Variants in NEXMIF observed in about 807,000 individuals in gnomAD.
NEXMIF encodes XLMR protein related to neurite extension.
A neutral mutation model predicts 62.1 loss-of-function variants in NEXMIF; 8 were observed. That is an observed-to-expected ratio of 0.13 (90% CI 0.08 to 0.23). The LOEUF is 0.23. Ranked by LOEUF, NEXMIF falls within the 10% of genes least tolerant of loss-of-function variation. The probability of loss-of-function intolerance (pLI) is 1.00; values close to 1 mark genes in which losing one functional copy is unlikely to be tolerated. For synonymous variants in NEXMIF, 404 were observed against 416.6 expected (o/e 0.97, Z 0.37); for missense variants, 976 against 1,113.3 (o/e 0.88, Z 1.75).
chrX:74,882,189 A>G (rs2080667338), intron 1 of NEXMIF, among the ~76,000 whole-genome samples: 2 of 112,263 alleles, frequency 1.8e-5, no homozygotes, highest in Non-Finnish European at 3.8e-5. Flanking sequence ...GCCGAATAGG[A>G]ACAGCTCCGG....
At position 74,791,763 on chromosome X, in the gene NEXMIF, A is replaced by G. The variant is rs1448519699; in HGVS notation, c.-47-46066T>C. On this transcript the variant is annotated intron_variant, in intron 1 of 3. Coordinates refer to ENST00000055682, the MANE Select transcript of NEXMIF (RefSeq NM_001008537.3). Reference sequence around the variant, plus strand: ...CTTCTAGATTTTCTAGTTTATTTGCATAGAGGTGTTTTTAGTATTCTCTGA... The same window carrying G: ...CTTCTAGATTTTCTAGTTTATTTGCGTAGAGGTGTTTTTAGTATTCTCTGA... Among the ~76,000 whole-genome samples, 297 of 109,403 alleles carry G rather than the reference A, an allele frequency of 2.7e-3. 2 individuals are homozygous for G. The highest frequency in any genetic ancestry group is 8.9e-3 in the African/African-American group (270 of 30,253).
chrX:74,827,644 C>G (rs1285987276), intron 1 of NEXMIF, among the ~76,000 whole-genome samples: 2 of 111,957 alleles, frequency 1.8e-5, no homozygotes, highest in African/African-American at 6.5e-5. Flanking sequence ...TAACAACAAG[C>G]CTGATGGGTG....
chrX:74,886,377 C>T (rs1435192280), intron 1 of NEXMIF, among the ~76,000 whole-genome samples: 1 of 111,649 alleles, frequency 9.0e-6, no homozygotes, highest in Non-Finnish European at 1.9e-5. Context: ...TTGCAGATGA[C>T]ATGATTGCAT....
rs780248387 is a variant in NEXMIF at position 74,735,856 on chromosome X, A to G, written c.*3549T>C. 6.3e-5 allele frequency: 7 copies of G among 111,936 alleles called. No individual in the cohort carries two copies. Among genetic ancestry groups the G allele is most frequent in the Admixed American group, 1.9e-4 (2 of 10,467 alleles). 9.2% of individuals were successfully genotyped at this position (111,936 alleles called of 1,213,427 possible). The stretch of plus-strand genomic sequence containing the variant: ...AGGCAGAAAGGATGGTCACTGGTTC[A>G]AGCCAGTTATCACAGCCCAAACATG... On this transcript the variant is annotated 3_prime_UTR_variant, in exon 4 of 4. Coordinates refer to ENST00000055682, the MANE Select transcript of NEXMIF (RefSeq NM_001008537.3).
intron 1 of NEXMIF, among the ~76,000 whole-genome samples, chrX:74,912,541 T>C (rs1361885800): frequency 2.2e-4 from 24 of 111,460 alleles, no homozygotes; most frequent in Admixed American, 1.9e-3. Flanking sequence ...ACTGGATCCA[T>C]ATTAACCAGA....
At chrX:74,822,500 G>T (rs1467051703) in intron 1 of NEXMIF, among the ~76,000 whole-genome samples, 1 of 111,711 alleles carries the variant, frequency 9.0e-6, no homozygotes, top group Admixed American at 9.5e-5. Flanking sequence ...ATCTGATAAG[G>T]AACATGTATC....
At chrX:74,881,831 C>T (rs2080665661) in intron 1 of NEXMIF, among the ~76,000 whole-genome samples, 1 of 111,913 alleles carries the variant, frequency 8.9e-6, no homozygotes, top group East Asian at 2.8e-4. Flanking sequence ...GCTTCTAGTA[C>T]ACAGTCAAGG....
chrX:74,742,849 A>G lies in NEXMIF; in HGVS notation c.1708T>C (p.Leu570=), dbSNP rs772778753. The change falls in exon 3 of 4, where the codon TTG becomes CTG. Residue 570 remains leucine, a synonymous_variant. Coordinates refer to ENST00000055682, the MANE Select transcript of NEXMIF (RefSeq NM_001008537.3). ...KVDASETTVN[L]SENQLNKYAK... is the part of the protein sequence containing the mutation. ...TATTTGTTGAGCTGATTCTCACTCA[A>G]ATTCACTGTTGTCTCACTGGCATCC... 8.3e-7 allele frequency: 1 copy of G among 1,211,393 alleles called. No individual in the cohort carries two copies. The highest frequency in any genetic ancestry group is 3.0e-5 in the East Asian group (1 of 33,831).
In NEXMIF at chrX:74,742,036, T is replaced by C. The variant is rs2147440160; in HGVS notation, c.2521A>G (p.Asn841Asp). 3 of 1,211,801 alleles carry C rather than the reference T, an allele frequency of 2.5e-6. No homozygotes were observed. Among genetic ancestry groups the C allele is most frequent in the Non-Finnish European group, 2.2e-6 (2 of 895,498 alleles). The change falls in exon 3 of 4, where the codon AAT (asparagine) becomes GAT (aspartate). Residue 841 changes from asparagine to aspartate, a missense_variant. Asn to Asp is a conservative substitution (Grantham distance 23). Transcript: ENST00000055682. ...TCGGTTTGAGTGAGGCTGCCTTCATTTTGCTCTGGAGAATGGTGGCTGAAG... is the reference window on the plus strand; with the variant it reads ...TCGGTTTGAGTGAGGCTGCCTTCATCTTGCTCTGGAGAATGGTGGCTGAAG... ...SYFSHHSPEQ[N>D]EGSLTQTEKS...
chrX:74,745,911 A>G (rs1268246803), intron 1 of NEXMIF, among the ~76,000 whole-genome samples: 1 of 111,355 alleles, frequency 9.0e-6, no homozygotes, highest in Non-Finnish European at 1.9e-5. Flanking sequence ...AGATCCTTCT[A>G]TCACCTCTGT....
intron 1 of NEXMIF, among the ~76,000 whole-genome samples, chrX:74,764,482 T>C (rs1473344258): frequency 4.5e-5 from 5 of 112,181 alleles, no homozygotes; most frequent in Non-Finnish European, 7.5e-5. Context: ...GCTGGCCTCA[T>C]AAAATGAGTT....
chrX:74,862,219 G>A (rs990138310), intron 1 of NEXMIF, among the ~76,000 whole-genome samples: 1 of 110,315 alleles, frequency 9.1e-6, no homozygotes. Flanking sequence ...ACTTTAAAAC[G>A]ACAAAGATAA....
At chrX:74,764,034 C>T (rs1284384252) in intron 1 of NEXMIF, among the ~76,000 whole-genome samples, 1 of 111,509 alleles carries the variant, frequency 9.0e-6, no homozygotes, top group African/African-American at 3.3e-5. Flanking sequence ...GAGGGCATCC[C>T]TGTCTTGTGC....
At chrX:74,890,720 G>A (rs1230868728) in intron 1 of NEXMIF, among the ~76,000 whole-genome samples, 1 of 111,540 alleles carries the variant, frequency 9.0e-6, no homozygotes, top group Non-Finnish European at 1.9e-5. Context: ...CAGGCCATAT[G>A]TCAGAGGGAC....
At chrX:74,752,095 C>T (rs1184550840) in intron 1 of NEXMIF, among the ~76,000 whole-genome samples, 1 of 111,651 alleles carries the variant, frequency 9.0e-6, no homozygotes, top group African/African-American at 3.3e-5. Flanking sequence ...GCATGAGCCA[C>T]TATGCCCAGC....
chrX:74,817,692 G>C lies in NEXMIF; in HGVS notation c.-47-71995C>G, dbSNP rs1299465684. On this transcript the variant is annotated intron_variant, in intron 1 of 3. Coordinates refer to ENST00000055682, the MANE Select transcript of NEXMIF (RefSeq NM_001008537.3). ...CCTTTAGGGCTTTAAGGTAGATAAA[G>C]GCAGTAATCATGCCACCTTCCCCTA... Among the ~76,000 whole-genome samples, 3 of 111,313 alleles carry C rather than the reference G, an allele frequency of 2.7e-5. No individual in the cohort carries two copies. In the East Asian group the frequency reaches 8.5e-4, roughly 31 times the overall value.
intron 1 of NEXMIF, among the ~76,000 whole-genome samples, chrX:74,878,607 T>C (rs928803294): frequency 1.8e-5 from 2 of 112,793 alleles, no homozygotes; most frequent in Non-Finnish European, 3.8e-5. Context: ...ACCTTGCAGA[T>C]TGATCTCAGA....
At chrX:74,825,177 T>A (rs1892799906) in intron 1 of NEXMIF, among the ~76,000 whole-genome samples, 1 of 111,965 alleles carries the variant, frequency 8.9e-6, no homozygotes, top group South Asian at 3.7e-4. Context: ...ATCTTTTCTG[T>A]TGGCCATTTT....
intron 1 of NEXMIF, among the ~76,000 whole-genome samples, chrX:74,854,322 CAAT>C (rs1389976401): frequency 2.0e-4 from 22 of 111,864 alleles, no homozygotes; most frequent in African/African-American, 6.2e-4. Flanking sequence ...TGACGGACAA[CAAT>C]AATATGATAA....
Sources: gnomAD v4.1 joint callset for allele counts (sites outside exome capture counted in the v4.1 genomes callset) on GRCh38, gnomAD v4.1.1 for gene constraint, MANE v1.5 for transcripts, NCBI Gene and HGNC (gene_info 2026-07-23, HGNC 2026-07-21) for gene names.